The following ERG variants were observed in gnomAD, a reference collection of about 807,000 sequenced individuals.
ERG encodes the protein transcriptional regulator ERG.
A neutral mutation model predicts 55.3 loss-of-function variants in ERG; 9 were observed. That is an observed-to-expected ratio of 0.16 (90% CI 0.10 to 0.28). The LOEUF (loss-of-function observed/expected upper bound fraction) is 0.28. ERG is among the 10% of genes least tolerant of loss of function. The pLI is 1.00. For synonymous variants in ERG, 223 were observed against 237.3 expected (o/e 0.94, Z 0.55); for missense variants, 434 against 631.6 (o/e 0.69, Z 3.35).
chr21:38,537,241 C>CA (rs1201529015), intron 2 of ERG, among the ~76,000 whole-genome samples: 1 of 152,072 alleles, frequency 6.6e-6, no homozygotes, highest in Non-Finnish European at 1.5e-5. Context: ...AACTTCATAA[C>CA]ACTGGATTTC....
At chr21:38,541,158 T>C (rs190931212) in intron 2 of ERG, among the ~76,000 whole-genome samples, 1 of 152,336 alleles carries the variant, frequency 6.6e-6, no homozygotes, top group Admixed American at 6.5e-5. Context: ...GAAGACGCCA[T>C]CCAATTATAA....
At chr21:38,431,933 G>C (rs559264074) in intron 2 of ERG, among the ~76,000 whole-genome samples, 1 of 152,142 alleles carries the variant, frequency 6.6e-6, no homozygotes, top group Non-Finnish European at 1.5e-5. Flanking sequence ...CATGTCCCCA[G>C]CCTCTCCTCC....
chr21:38,376,758 C>T (rs1252955836), downstream of ERG, among the ~76,000 whole-genome samples: 4 of 152,264 alleles, frequency 2.6e-5, no homozygotes, highest in East Asian at 7.7e-4. Flanking sequence ...CAGCCCCACT[C>T]GCCTCCACCA....
intron 2 of ERG, among the ~76,000 whole-genome samples, chr21:38,567,239 G>A (rs2059928992): frequency 6.6e-6 from 1 of 152,174 alleles, no homozygotes; most frequent in Non-Finnish European, 1.5e-5. Context: ...CAGGAACCCA[G>A]TGAGAAGGAG....
chr21:38,559,383 C>CT (rs574207119), intron 2 of ERG, among the ~76,000 whole-genome samples: 12,487 of 91,726 alleles, frequency 0.14, 1,009 homozygotes, highest in East Asian at 0.19. Context: ...TCCCATTTCC[C>CT]TTTTTTTTTT....
chr21:38,616,145 C>T (rs1225284939), intron 1 of ERG, among the ~76,000 whole-genome samples: 3 of 152,152 alleles, frequency 2.0e-5, no homozygotes, highest in Admixed American at 2.0e-4. Flanking sequence ...CACACACTCT[C>T]CTCTCTCCTG....
At chr21:38,454,582 C>T (rs1388935435) in intron 1 of ERG, among the ~76,000 whole-genome samples, 1 of 152,076 alleles carries the variant, frequency 6.6e-6, no homozygotes. Context: ...CAGCTCTCTC[C>T]CAGGACAGTT....
At position 38,391,690 on chromosome 21, in the gene ERG, C is replaced by A. The variant is rs1197674220; in HGVS notation, c.840G>T (p.Val280=). ...SKAAQPSPST[V]PKTEDQRPQL... ...GAGGACGCTGGTCTTCAGTTTTGGGCACTGTGGAAGGAGATGGTTGAGCAG... is the reference window on the plus strand; with the variant it reads ...GAGGACGCTGGTCTTCAGTTTTGGGAACTGTGGAAGGAGATGGTTGAGCAG... The change falls in exon 8 of 10, where the codon GTG becomes GTT. Residue 280 remains valine, a synonymous_variant. Transcript: ENST00000288319. 1.9e-6 allele frequency: 3 copies of A among 1,613,874 alleles called. No homozygotes were observed. Among genetic ancestry groups the A allele is most frequent in the Middle Eastern group, 3.3e-4 (2 of 6,062 alleles).
intron 2 of ERG, among the ~76,000 whole-genome samples, chr21:38,563,200 C>T (rs76105446): frequency 0.024 from 3,723 of 152,224 alleles, 153 homozygotes; most frequent in African/African-American, 0.085. Context: ...ATGGTGGATC[C>T]GTGTCATCAC....
intron 2 of ERG, among the ~76,000 whole-genome samples, chr21:38,552,979 C>T (rs1199424715): frequency 9.5e-6 from 1 of 105,230 alleles, no homozygotes; most frequent in Non-Finnish European, 2.4e-5. Context: ...ATCTGAAAAA[C>T]AATTTCACAA....
chr21:38,425,618 T>C (rs1017660739), intron 2 of ERG, among the ~76,000 whole-genome samples: 2 of 152,184 alleles, frequency 1.3e-5, no homozygotes, highest in Non-Finnish European at 2.9e-5. Context: ...AATGCATACA[T>C]TTTTTTCATA....
In ERG at chr21:38,448,417, C is replaced by A. The variant is rs2058911567; in HGVS notation, c.19-2796G>T. On this transcript the variant is annotated intron_variant, in intron 1 of 9. Transcript: ENST00000288319. Reference sequence around the variant, plus strand: ...GGGAAAAATTCTGAAAATAAGGAAGCTTCAGGATAAACACTTCAAAAGAGG... The same window carrying A: ...GGGAAAAATTCTGAAAATAAGGAAGATTCAGGATAAACACTTCAAAAGAGG... Among the ~76,000 whole-genome samples the A allele has an allele frequency of 2.6e-5, 4 of 152,222 alleles. No homozygotes were observed. In the South Asian group the frequency reaches 8.3e-4, roughly 32 times the overall value.
At chr21:38,474,691 C>A (rs2059171180) in intron 1 of ERG, among the ~76,000 whole-genome samples, 1 of 151,874 alleles carries the variant, frequency 6.6e-6, no homozygotes, top group South Asian at 2.1e-4. Context: ...ACTATATAGC[C>A]CTTGTATAAA....
chr21:38,439,790 C>G (rs1178370464), intron 2 of ERG, among the ~76,000 whole-genome samples: 4 of 152,200 alleles, frequency 2.6e-5, no homozygotes, highest in African/African-American at 9.7e-5. Context: ...CGTTTCACCA[C>G]TTGTATTTCA....
intron 2 of ERG, among the ~76,000 whole-genome samples, chr21:38,558,971 T>C (rs772314279): frequency 1.3e-5 from 2 of 151,984 alleles, no homozygotes; most frequent in Non-Finnish European, 2.9e-5. Flanking sequence ...AAGAGAACAA[T>C]AGCAAGAAAG....
intron 2 of ERG, among the ~76,000 whole-genome samples, chr21:38,533,196 CACAG>C (rs2059684994): frequency 1.3e-5 from 2 of 152,082 alleles, no homozygotes; most frequent in African/African-American, 4.8e-5. Flanking sequence ...CAGGTCAACA[CACAG>C]ACAGAGCAAA....
intron 1 of ERG, among the ~76,000 whole-genome samples, chr21:38,604,552 A>G (rs73432161): frequency 0.071 from 10,867 of 152,264 alleles, 693 homozygotes; most frequent in African/African-American, 0.17. Context: ...GAATGTTATT[A>G]TAACAGATTT....
chr21:38,623,156 C>T (rs1230147945), intron 1 of ERG, among the ~76,000 whole-genome samples: 1 of 149,468 alleles, frequency 6.7e-6, no homozygotes, highest in African/African-American at 2.5e-5. Context: ...CATATACATG[C>T]CACACACACA....
chr21:38,625,392 A>G (rs2060318215), intron 1 of ERG, among the ~76,000 whole-genome samples: 1 of 152,120 alleles, frequency 6.6e-6, no homozygotes, highest in African/African-American at 2.4e-5. Flanking sequence ...ATACATGTGC[A>G]GAACACGCAG....
Sources: allele counts gnomAD v4.1 joint callset (sites outside exome capture counted in the v4.1 genomes callset), GRCh38; gene constraint gnomAD v4.1.1; transcripts MANE v1.5; gene names NCBI Gene and HGNC (gene_info 2026-07-23, HGNC 2026-07-21).